TXLNB: variants seen among roughly 807,000 people sequenced by gnomAD.
TXLNB encodes beta-taxilin.
In TXLNB, 37 loss-of-function variants were observed where a neutral mutation model predicts 57.4. The ratio of observed to expected loss-of-function variants is 0.64; its 90% CI spans 0.50 to 0.85. TXLNB has a LOEUF of 0.85. TXLNB is among the 40% of genes least tolerant of loss of function. The pLI, the probability that TXLNB is intolerant of heterozygous loss-of-function variation, is 0.00. For missense variants in TXLNB, 848 were observed against 825.6 expected (o/e 1.03, Z -0.33); for synonymous variants, 302 against 309.6 (o/e 0.98, Z 0.26).
chr6:139,223,054 C>T, the TXLNB span, among the ~76,000 whole-genome samples: 410 of 152,264 alleles, frequency 2.7e-3, 2 homozygotes, highest in Admixed American at 5.1e-3. Flanking sequence ...GAACATTTAC[C>T]AAGATTGACT....
At chr6:139,193,840 A>ATTTT in the TXLNB span, among the ~76,000 whole-genome samples, 111 of 85,220 alleles carry the variant, frequency 1.3e-3, 2 homozygotes, top group South Asian at 4.0e-3. Context: ...ATATATATAT[A>ATTTT]TTTTTTTTTT....
the TXLNB span, among the ~76,000 whole-genome samples, chr6:139,213,912 C>T: frequency 1.3e-5 from 2 of 152,060 alleles, no homozygotes; most frequent in African/African-American, 4.8e-5. Flanking sequence ...CATACACTCT[C>T]CCAAGACTAA....
At chr6:139,247,674 C>A in intron 8 of TXLNB, 143 bp downstream of exon 8, 1 of 507,632 alleles carries the variant, frequency 2.0e-6, no homozygotes, top group Non-Finnish European at 3.4e-6. Flanking sequence ...AAAATACAGC[C>A]CAAACCTCAT....
chr6:139,239,373 A>G (rs553842932), downstream of TXLNB: 4 of 152,376 alleles, frequency 2.6e-5, no homozygotes, highest in East Asian at 1.9e-4. This position sits in a 1 kb window ranked among gnomAD's most constrained non-coding sequence, Gnocchi z 4.7. Context: ...ACTGAGAAAC[A>G]TATCAGCTGG....
chr6:139,251,651 C>G (rs1776210564), intron 7 of TXLNB: 1 of 152,232 alleles, frequency 6.6e-6, no homozygotes, highest in African/African-American at 2.4e-5. Context: ...GAAACAAACT[C>G]TTCTATGATT....
At chr6:139,304,671 GA>G in the TXLNB span, among the ~76,000 whole-genome samples, 1 of 152,186 alleles carries the variant, frequency 6.6e-6, no homozygotes, top group Admixed American at 6.5e-5. Context: ...GGTTATCCAA[GA>G]ACTTAAGAAG....
At chr6:139,316,191 G>A in the TXLNB span, among the ~76,000 whole-genome samples, 5 of 152,158 alleles carry the variant, frequency 3.3e-5, no homozygotes, top group African/African-American at 1.2e-4. Flanking sequence ...TTCTTTGCTT[G>A]GCTAAGCTTT....
chr6:139,315,262 A>C, the TXLNB span, among the ~76,000 whole-genome samples: 1 of 152,114 alleles, frequency 6.6e-6, no homozygotes, highest in Admixed American at 6.6e-5. Flanking sequence ...TATCTTTAAA[A>C]ACTCTGATCC....
At chr6:139,216,470 T>G in the TXLNB span, among the ~76,000 whole-genome samples, 1 of 101,120 alleles carries the variant, frequency 9.9e-6, no homozygotes, top group East Asian at 3.6e-4. Context: ...CACTGGGGCC[T>G]GTTGTGGGGT....
At chr6:139,172,831 C>G in the TXLNB span, among the ~76,000 whole-genome samples, 3 of 152,206 alleles carry the variant, frequency 2.0e-5, no homozygotes, top group Non-Finnish European at 4.4e-5. Flanking sequence ...ACAGTAATGT[C>G]TATTCTGTAA....
chr6:139,215,156 G>T, the TXLNB span, among the ~76,000 whole-genome samples: 1 of 150,272 alleles, frequency 6.7e-6, no homozygotes, highest in South Asian at 2.1e-4. Flanking sequence ...CCAAAAAAAA[G>T]CCCGCATTGC....
the TXLNB span, among the ~76,000 whole-genome samples, chr6:139,186,919 T>C: frequency 6.6e-6 from 1 of 152,172 alleles, no homozygotes; most frequent in Non-Finnish European, 1.5e-5. Context: ...ATGAATCTGG[T>C]GACAGATTGG....
chr6:139,317,430 C>T, the TXLNB span, among the ~76,000 whole-genome samples: 6 of 151,278 alleles, frequency 4.0e-5, no homozygotes, highest in East Asian at 3.9e-4. Flanking sequence ...AACGGAGTCT[C>T]GCTCTGTGGC....
At chr6:139,302,349 A>G in the TXLNB span, among the ~76,000 whole-genome samples, 1 of 151,790 alleles carries the variant, frequency 6.6e-6, no homozygotes, top group Non-Finnish European at 1.5e-5. Flanking sequence ...GCTGTTTTAA[A>G]TCAGTCCCTA....
chr6:139,172,727 A>T, the TXLNB span, among the ~76,000 whole-genome samples: 1 of 152,242 alleles, frequency 6.6e-6, no homozygotes, highest in African/African-American at 2.4e-5. Flanking sequence ...TCCGAGAGAC[A>T]TGAATCAGTC....
the TXLNB span, among the ~76,000 whole-genome samples, chr6:139,297,481 T>A: frequency 3.9e-5 from 6 of 152,216 alleles, no homozygotes; most frequent in Admixed American, 3.9e-4. Context: ...TTTTCAAGTA[T>A]AGAAGTTTAT....
intron 9 of TXLNB, 87 bp downstream of exon 9, chr6:139,244,508 G>A: frequency 1.1e-6 from 1 of 910,054 alleles, no homozygotes. Context: ...ATAACCATTT[G>A]TACTATTACC....
the TXLNB span, among the ~76,000 whole-genome samples, chr6:139,183,913 C>T: frequency 6.7e-6 from 1 of 149,166 alleles, no homozygotes; most frequent in Non-Finnish European, 1.5e-5. Flanking sequence ...GCCTGTCAGA[C>T]ATTATATGTT....
At chr6:139,227,360 A>AC in the TXLNB span, among the ~76,000 whole-genome samples, 7 of 152,116 alleles carry the variant, frequency 4.6e-5, no homozygotes, top group East Asian at 1.9e-4. Flanking sequence ...AAACAAACAA[A>AC]AAAAAAAACG....
Sources: allele counts gnomAD v4.1 joint callset (sites outside exome capture counted in the v4.1 genomes callset), GRCh38; gene constraint gnomAD v4.1.1; non-coding constraint Gnocchi (gnomAD v3.1); transcripts MANE v1.5; gene names NCBI Gene and HGNC (gene_info 2026-07-23, HGNC 2026-07-21).